The following PRDM16 variants were observed in gnomAD, a reference collection of about 807,000 sequenced individuals.
PRDM16 encodes the protein PR/SET domain 16, also known as histone-lysine N-methyltransferase PRDM16.
A neutral mutation model predicts 110.6 loss-of-function variants in PRDM16; 23 were observed. The observed-to-expected ratio is 0.21, with a 90% CI of 0.15 to 0.29. The LOEUF (loss-of-function observed/expected upper bound fraction) is 0.29, where lower values mean the gene tolerates loss of function less well. Ranked by LOEUF, PRDM16 falls within the 10% of genes least tolerant of loss-of-function variation. The pLI is 1.00. For missense variants in PRDM16, 1,615 were observed against 1,794.3 expected, an observed-to-expected ratio of 0.90 and a Z score of 1.81; for synonymous variants, 799 against 781.8, an observed-to-expected ratio of 1.02 and a Z score of -0.37.
Position 3,255,053 on chromosome 1 carries a change from G to C in PRDM16, c.438+10916G>C, listed in dbSNP as rs1640014125. ...ACAAACCTGAGAAAAACAAGCAATG[G>C]GGAAAGGATTCCCTATTTAATAAAT... On this transcript the variant is annotated intron_variant, in intron 3 of 16. Coordinates refer to ENST00000270722, the MANE Select transcript of PRDM16 (RefSeq NM_022114.4). The surrounding 1 kb of genome is among the most constrained non-coding windows in gnomAD (Gnocchi z 4.7). Among the ~76,000 whole-genome samples the C allele has an allele frequency of 6.6e-6, 1 of 151,956 alleles. No homozygotes were observed. Among genetic ancestry groups the C allele is most frequent in the Non-Finnish European group, 1.5e-5 (1 of 67,996 alleles).
At chr1:3,158,574 A>G (rs1363382429) in intron 1 of PRDM16, among the ~76,000 whole-genome samples, 1 of 152,100 alleles carries the variant, frequency 6.6e-6, no homozygotes, top group Non-Finnish European at 1.5e-5. Flanking sequence ...TGACTTTACA[A>G]TCTCATCGCC....
intron 2 of PRDM16, among the ~76,000 whole-genome samples, chr1:3,225,351 G>A (rs1422533826): frequency 6.6e-6 from 1 of 152,140 alleles, no homozygotes; most frequent in African/African-American, 2.4e-5. Context: ...ATATTTTGAA[G>A]AGGTTTCTGA....
At chr1:3,429,163 C>T (rs1406441869) in intron 14 of PRDM16, among the ~76,000 whole-genome samples, 1 of 152,222 alleles carries the variant, frequency 6.6e-6, no homozygotes, top group Non-Finnish European at 1.5e-5. Context: ...GGCCTGCCCT[C>T]GCCTGGATCT....
chr1:3,365,931 CAT>C (rs1416204404), intron 3 of PRDM16, among the ~76,000 whole-genome samples: 1 of 106,332 alleles, frequency 9.4e-6, no homozygotes, highest in Non-Finnish European at 1.8e-5. Context: ...CACACGCACA[CAT>C]GCACACAAAC....
intron 2 of PRDM16, among the ~76,000 whole-genome samples, chr1:3,241,633 G>T (rs1368446707): frequency 6.6e-6 from 1 of 152,370 alleles, no homozygotes; most frequent in Non-Finnish European, 1.5e-5. Context: ...CCAAGCCCAC[G>T]CACGGACCAA....
At chr1:3,156,758 GCCA>G (rs1429925740) in intron 1 of PRDM16, among the ~76,000 whole-genome samples, 1 of 152,200 alleles carries the variant, frequency 6.6e-6, no homozygotes, top group African/African-American at 2.4e-5. Context: ...TCAAGCAGTG[GCCA>G]CAGCTCAAAG....
At chr1:3,194,611 C>T (rs185655912) in intron 2 of PRDM16, among the ~76,000 whole-genome samples, 4,450 of 147,686 alleles carry the variant, frequency 0.03, 71 homozygotes, top group Middle Eastern at 0.047. Context: ...CACACGCCAC[C>T]GTCTCCCCAC....
chr1:3,116,941 T>C (rs1642975986), intron 1 of PRDM16, among the ~76,000 whole-genome samples: 1 of 152,206 alleles, frequency 6.6e-6, no homozygotes, highest in South Asian at 2.1e-4. Flanking sequence ...TCCACGGCAC[T>C]CACACCTGGG....
chr1:3,279,308 C>T (rs1640658428), intron 3 of PRDM16, among the ~76,000 whole-genome samples: 1 of 152,216 alleles, frequency 6.6e-6, no homozygotes, highest in Non-Finnish European at 1.5e-5. Flanking sequence ...GCCGCCTCTG[C>T]AGCGGGGCAG....
chr1:3,229,076 G>A (rs950723676), intron 2 of PRDM16, among the ~76,000 whole-genome samples: 89 of 152,354 alleles, frequency 5.8e-4, no homozygotes, highest in African/African-American at 2.1e-3. Flanking sequence ...GAAGGTGCCC[G>A]TTTCTAAAGC....
chr1:3,236,064 C>T (rs191303640), intron 2 of PRDM16, among the ~76,000 whole-genome samples: 7 of 152,310 alleles, frequency 4.6e-5, no homozygotes, highest in African/African-American at 7.2e-5. Context: ...GGGCAGTATC[C>T]AGAGAGCAGG....
rs373367627 is a variant in PRDM16 at position 3,213,909 on chromosome 1, C to G, written c.387+27435C>G. 6.6e-6 allele frequency among the ~76,000 whole-genome samples: 1 copy of G among 152,112 alleles called. No individual in the cohort carries two copies. The highest frequency in any genetic ancestry group is 1.5e-5 in the Non-Finnish European group (1 of 68,044). On this transcript the variant is annotated intron_variant, in intron 2 of 16. Transcript: ENST00000270722. The surrounding 1 kb of genome is among the most constrained non-coding windows in gnomAD (Gnocchi z 5.3). ...TCAAGGTCACTGCCTGGTACATTAA[C>G]TCAGAAGCACGCGGGTGACAGGGTG...
At chr1:3,330,806 C>G (rs916766849) in intron 3 of PRDM16, among the ~76,000 whole-genome samples, 1 of 152,208 alleles carries the variant, frequency 6.6e-6, no homozygotes, top group South Asian at 2.1e-4. Flanking sequence ...GATCTCTGGC[C>G]GAGTGGAGGT....
chr1:3,384,359 A>G (rs189217105), intron 3 of PRDM16, among the ~76,000 whole-genome samples: 1 of 152,322 alleles, frequency 6.6e-6, no homozygotes, highest in East Asian at 1.9e-4. Context: ...GCTACTGGCC[A>G]GAGTGGGGGA....
intron 2 of PRDM16, among the ~76,000 whole-genome samples, chr1:3,230,566 C>T (rs1639383209): frequency 6.6e-6 from 1 of 152,244 alleles, no homozygotes. Context: ...GGAAAACAAA[C>T]AGGAGGAAAA....
intron 1 of PRDM16, among the ~76,000 whole-genome samples, chr1:3,139,340 G>A (rs1020494729): frequency 1.3e-5 from 2 of 152,248 alleles, no homozygotes; most frequent in African/African-American, 4.8e-5. Context: ...GAGCAGGGCT[G>A]GGGCTGCCCT....
At chr1:3,113,133 G>A (rs1307121046) in intron 1 of PRDM16, among the ~76,000 whole-genome samples, 1 of 152,220 alleles carries the variant, frequency 6.6e-6, no homozygotes, top group Non-Finnish European at 1.5e-5. Context: ...GGCTCCAGCA[G>A]ATCTGAGATA....
At chr1:3,089,844 TC>T (rs766397667) in intron 1 of PRDM16, among the ~76,000 whole-genome samples, 216 of 152,260 alleles carry the variant, frequency 1.4e-3, no homozygotes, top group Non-Finnish European at 2.6e-3. Context: ...TGCTCCAACT[TC>T]CTCCGGCCGA....
intron 2 of PRDM16, among the ~76,000 whole-genome samples, chr1:3,232,878 A>C (rs1212366368): frequency 6.6e-6 from 1 of 152,094 alleles, no homozygotes; most frequent in East Asian, 1.9e-4. Flanking sequence ...TCAAACGCAC[A>C]TGTGACCCAG....
Sources: gnomAD v4.1 joint callset for allele counts (sites outside exome capture counted in the v4.1 genomes callset) on GRCh38, gnomAD v4.1.1 for gene constraint, Gnocchi (gnomAD v3.1) non-coding constraint, MANE v1.5 for transcripts, NCBI Gene and HGNC (gene_info 2026-07-23, HGNC 2026-07-21) for gene names.